The following ARHGAP28 variants were observed in gnomAD, a reference collection of about 807,000 sequenced individuals.
ARHGAP28 encodes the protein rho GTPase-activating protein 28.
A neutral mutation model predicts 90.7 loss-of-function variants in ARHGAP28; 56 were observed. The ratio of observed to expected loss-of-function variants is 0.62; its 90% CI spans 0.50 to 0.77. ARHGAP28 has a LOEUF of 0.77. Ranked by LOEUF, ARHGAP28 falls within the 30% of genes least tolerant of loss-of-function variation. The pLI is 0.00. For missense variants in ARHGAP28, 869 were observed against 900.9 expected, an observed-to-expected ratio of 0.96 and a Z score of 0.45; for synonymous variants, 308 against 323.3, an observed-to-expected ratio of 0.95 and a Z score of 0.51.
At chr18:6,827,326 C>T (rs1473313579) in intron 2 of ARHGAP28, among the ~76,000 whole-genome samples, 1 of 148,620 alleles carries the variant, frequency 6.7e-6, no homozygotes, top group East Asian at 2.0e-4. Flanking sequence ...GCTGAACCCT[C>T]CACCTCCCTC....
At chr18:6,730,070 T>A in intron 1 of ARHGAP28, 127 bp downstream of exon 1, 3 of 967,758 alleles carry the variant, frequency 3.1e-6, no homozygotes, top group Non-Finnish European at 2.7e-6. Flanking sequence ...TTTGGTGGAC[T>A]AGATGAGTGA....
At chr18:6,748,278 C>G (rs2056041121) in intron 1 of ARHGAP28, among the ~76,000 whole-genome samples, 1 of 152,142 alleles carries the variant, frequency 6.6e-6, no homozygotes, top group Non-Finnish European at 1.5e-5. Context: ...ACTTTTACAT[C>G]CAGGGTATCT....
At chr18:6,789,623 C>T (rs1199595829) in intron 1 of ARHGAP28, 1 of 151,980 alleles carries the variant, frequency 6.6e-6, no homozygotes, top group African/African-American at 2.4e-5. Context: ...CCAGAGATCA[C>T]CACCACTAAC....
intron 1 of ARHGAP28, among the ~76,000 whole-genome samples, chr18:6,732,662 A>G (rs2055892708): frequency 6.6e-6 from 1 of 152,004 alleles, no homozygotes; most frequent in African/African-American, 2.4e-5. Context: ...TGCTCATTTT[A>G]TTTTATTTTA....
intron 9 of ARHGAP28, chr18:6,874,712 T>A (rs2057117429): frequency 6.6e-6 from 1 of 152,190 alleles, no homozygotes; most frequent in Non-Finnish European, 1.5e-5. Flanking sequence ...GGTGACTGAT[T>A]GGCTGGAGAT....
chr18:6,848,203 C>T (rs762593635), intron 3 of ARHGAP28, among the ~76,000 whole-genome samples: 4 of 152,102 alleles, frequency 2.6e-5, no homozygotes, highest in Non-Finnish European at 4.4e-5. Flanking sequence ...AGTTGCCAGC[C>T]CAGGGGCCTG....
intron 6 of ARHGAP28, among the ~76,000 whole-genome samples, chr18:6,868,660 T>G (rs1196790170): frequency 2.0e-5 from 3 of 152,014 alleles, no homozygotes; most frequent in Non-Finnish European, 4.4e-5. Flanking sequence ...CTCTTCCGCT[T>G]GAGAGGTGGG....
intron 4 of ARHGAP28, among the ~76,000 whole-genome samples, chr18:6,851,360 T>C (rs11664752): frequency 0.56 from 81,995 of 147,096 alleles, 22,220 homozygotes; most frequent in Non-Finnish European, 0.59. Context: ...ATTATGGAAA[T>C]GCGAAGAAAG....
intron 1 of ARHGAP28, among the ~76,000 whole-genome samples, chr18:6,811,354 G>A (rs1433744018): frequency 2.0e-5 from 3 of 152,138 alleles, no homozygotes; most frequent in Admixed American, 6.5e-5. Flanking sequence ...GGCTGAAGAA[G>A]GACAAGAATC....
At chr18:6,775,232 G>T (rs1003134988) in intron 1 of ARHGAP28, among the ~76,000 whole-genome samples, 1 of 152,140 alleles carries the variant, frequency 6.6e-6, no homozygotes, top group Non-Finnish European at 1.5e-5. Context: ...AGGTGGTCTT[G>T]CTGTTTATTT....
At chr18:6,731,576 G>A (rs1028591242) in intron 1 of ARHGAP28, among the ~76,000 whole-genome samples, 2 of 152,132 alleles carry the variant, frequency 1.3e-5, no homozygotes, top group Non-Finnish European at 2.9e-5. Flanking sequence ...TTAGATTCAC[G>A]TTGTTCCAAG....
chr18:6,912,003 G>GCACA, intron 17 of ARHGAP28, 57 bp from the exon 18 acceptor site: 1 of 1,146,296 alleles, frequency 8.7e-7, no homozygotes, highest in East Asian at 2.4e-5. Flanking sequence ...ACATATGTGT[G>GCACA]CGCACGCACA....
chr18:6,731,297 T>TGTGC (rs2055880374), intron 1 of ARHGAP28, among the ~76,000 whole-genome samples: 2 of 151,722 alleles, frequency 1.3e-5, no homozygotes, highest in Non-Finnish European at 2.9e-5. Flanking sequence ...TGTGCGTGTG[T>TGTGC]GTGTGTGTGT....
chr18:6,841,814 G>C (rs941043563), intron 3 of ARHGAP28, among the ~76,000 whole-genome samples: 5 of 151,942 alleles, frequency 3.3e-5, no homozygotes, highest in Admixed American at 1.3e-4. Flanking sequence ...AATTCATCCT[G>C]GTCAGTACTA....
rs75512220 is a variant in ARHGAP28 at position 6,895,551 on chromosome 18, T to A, written c.1905+660T>A. Among the ~76,000 whole-genome samples, 267 of 152,322 alleles carry A rather than the reference T, an allele frequency of 1.8e-3. 2 individuals are homozygous for A. The highest frequency in any genetic ancestry group is 6.3e-3 in the African/African-American group (261 of 41,574). ...GAGAAGCACCTGCTTCTTGCCCCTC[T>A]CCTCACTTTTGGCGATGCCAGTAAT... On this transcript the variant is annotated intron_variant, in intron 15 of 17. Coordinates refer to ENST00000383472, the MANE Select transcript of ARHGAP28 (RefSeq NM_001366230.1).
At chr18:6,808,744 A>C (rs1179984539) in intron 1 of ARHGAP28, among the ~76,000 whole-genome samples, 1 of 152,244 alleles carries the variant, frequency 6.6e-6, no homozygotes, top group African/African-American at 2.4e-5. Context: ...GGTTTAAAGC[A>C]TAAGTCCACT....
At chr18:6,900,244 A>G (rs4797264) in intron 16 of ARHGAP28, among the ~76,000 whole-genome samples, 36,899 of 152,020 alleles carry the variant, frequency 0.24, 5,509 homozygotes, top group East Asian at 0.37. Context: ...TCAACATATC[A>G]TATCCAAAAT....
At chr18:6,898,752 C>G in intron 16 of ARHGAP28, 2 of 1,268,298 alleles carry the variant, frequency 1.6e-6, no homozygotes, top group Non-Finnish European at 2.0e-6. Flanking sequence ...TCTTTTATAA[C>G]AACTTGTTCA....
At chr18:6,739,688 G>C (rs949517630) in intron 1 of ARHGAP28, among the ~76,000 whole-genome samples, 1 of 145,126 alleles carries the variant, frequency 6.9e-6, no homozygotes, top group East Asian at 2.0e-4. Context: ...TCAGAAGGAG[G>C]GCAGGTTTTA....
Sources: gnomAD v4.1 joint callset for allele counts (sites outside exome capture counted in the v4.1 genomes callset) on GRCh38, gnomAD v4.1.1 for gene constraint, MANE v1.5 for transcripts, NCBI Gene and HGNC (gene_info 2026-07-23, HGNC 2026-07-21) for gene names.